TBC1D8: variants seen among roughly 807,000 people sequenced by gnomAD.
TBC1D8 encodes BUB2-like protein 1.
In TBC1D8, 65 loss-of-function variants were observed where a neutral mutation model predicts 118.8. The observed-to-expected ratio is 0.55, with a 90% confidence interval of 0.45 to 0.67. The LOEUF (loss-of-function observed/expected upper bound fraction) is 0.67, where lower values mean the gene tolerates loss of function less well. Ranked by LOEUF, TBC1D8 falls within the 30% of genes least tolerant of loss-of-function variation. The pLI, the probability that TBC1D8 is intolerant of heterozygous loss-of-function variation, is 0.00. For synonymous variants in TBC1D8, 566 were observed against 595.8 expected, an observed-to-expected ratio of 0.95 and a Z score of 0.73; for missense variants, 1,376 against 1,471.2, an observed-to-expected ratio of 0.94 and a Z score of 1.06.
At chr2:101,132,750 G>A (rs1298127946) in intron 1 of TBC1D8, among the ~76,000 whole-genome samples, 3 of 151,660 alleles carry the variant, frequency 2.0e-5, no homozygotes, top group African/African-American at 4.8e-5. Context: ...CACCATGCCC[G>A]GCTAACTTAT....
chr2:101,072,210 T>C (rs1674496593), intron 2 of TBC1D8, among the ~76,000 whole-genome samples: 2 of 152,170 alleles, frequency 1.3e-5, no homozygotes, highest in African/African-American at 4.8e-5. Context: ...GGCTGGGTAA[T>C]TTATAAAGGA....
At chr2:101,143,177 C>G (rs1275291171) in intron 1 of TBC1D8, among the ~76,000 whole-genome samples, 1 of 151,904 alleles carries the variant, frequency 6.6e-6, no homozygotes, top group Non-Finnish European at 1.5e-5. Flanking sequence ...GTTCCCCTGC[C>G]TCAGCCTCCC....
chr2:101,083,960 A>G (rs1456059218), intron 2 of TBC1D8, among the ~76,000 whole-genome samples: 1 of 152,198 alleles, frequency 6.6e-6, no homozygotes, highest in Non-Finnish European at 1.5e-5. Flanking sequence ...TACACTCAAC[A>G]ATTCTCTCTT....
intron 1 of TBC1D8, chr2:101,109,762 C>T: frequency 1.0e-6 from 1 of 983,838 alleles, no homozygotes; most frequent in South Asian, 4.7e-5. Flanking sequence ...AGCCCACGTT[C>T]TCTTCTACTG....
intron 1 of TBC1D8, among the ~76,000 whole-genome samples, chr2:101,144,086 C>T (rs986902141): frequency 6.6e-6 from 1 of 152,218 alleles, no homozygotes; most frequent in Non-Finnish European, 1.5e-5. Context: ...TCCTACATGA[C>T]ATCTACATGA....
At position 101,043,192 on chromosome 2, in the gene TBC1D8, A is replaced by G. The variant is rs1026943567; in HGVS notation, c.873-2807T>C. 5.3e-5 allele frequency among the ~76,000 whole-genome samples: 8 copies of G among 152,336 alleles called. No homozygotes were observed. In the East Asian group the frequency reaches 1.5e-3, roughly 29 times the overall value. On this transcript the variant is annotated intron_variant, in intron 5 of 19. Transcript: ENST00000409318. ...TTAAATGCCTGATACAACGTGGACT[A>G]CTGTTTCCACGGGCGCCTGAGCTGC...
chr2:101,103,592 C>T (rs959775244), intron 1 of TBC1D8, among the ~76,000 whole-genome samples: 1 of 152,036 alleles, frequency 6.6e-6, no homozygotes, highest in African/African-American at 2.4e-5. Flanking sequence ...CAGGGTTTCA[C>T]CGTGTTAGCC....
chr2:101,134,761 C>T (rs1383076329), intron 1 of TBC1D8, among the ~76,000 whole-genome samples: 1 of 152,194 alleles, frequency 6.6e-6, no homozygotes, highest in Non-Finnish European at 1.5e-5. Flanking sequence ...AGCTTCAACA[C>T]AGTAATTTAG....
At chr2:101,018,027 A>G (rs950884565) in intron 17 of TBC1D8, 16 of 1,212,508 alleles carry the variant, frequency 1.3e-5, no homozygotes, top group South Asian at 2.9e-5. Flanking sequence ...CTCATTCTAC[A>G]TATCAACCCC....
chr2:101,068,932 G>A (rs200396183), intron 2 of TBC1D8, among the ~76,000 whole-genome samples: 44 of 151,820 alleles, frequency 2.9e-4, no homozygotes, highest in African/African-American at 9.7e-4. Flanking sequence ...CCTGGGAGGC[G>A]GAGGCTGCAG....
At chr2:101,067,020 T>C (rs1440668618) in intron 2 of TBC1D8, among the ~76,000 whole-genome samples, 1 of 151,730 alleles carries the variant, frequency 6.6e-6, no homozygotes, top group Non-Finnish European at 1.5e-5. Flanking sequence ...GCGATTGCAT[T>C]ATTACGAATC....
In TBC1D8 at chr2:101,124,307, C is replaced by T. The variant is rs765601574; in HGVS notation, c.127+26820G>A. On this transcript the variant is annotated intron_variant, in intron 1 of 19. Coordinates refer to ENST00000409318, the MANE Select transcript of TBC1D8 (RefSeq NM_001330348.2). ...AAAGAATTGTCATGATTACATAGGG[C>T]ATCTAAGCAGTGGGTGACTAAGACA... Among the ~76,000 whole-genome samples, 40 of 152,212 alleles carry T rather than the reference C, an allele frequency of 2.6e-4. 1 individual carries two copies. The highest frequency in any genetic ancestry group is 2.9e-5 in the Non-Finnish European group (2 of 68,046).
chr2:101,119,987 C>G (rs1391191543), intron 1 of TBC1D8, among the ~76,000 whole-genome samples: 2 of 152,164 alleles, frequency 1.3e-5, no homozygotes, highest in Non-Finnish European at 2.9e-5. Flanking sequence ...ACAGAACAGG[C>G]AAAATAACCC....
intron 9 of TBC1D8, 109 bp from the exon 10 acceptor site, chr2:101,033,867 G>T: frequency 2.3e-6 from 3 of 1,282,388 alleles, no homozygotes; most frequent in Non-Finnish European, 3.2e-6. Flanking sequence ...GTTACTTACT[G>T]AGGGACAAAA....
At chr2:101,110,079 A>C in intron 1 of TBC1D8, 1 of 942,086 alleles carries the variant, frequency 1.1e-6, no homozygotes, top group Non-Finnish European at 1.3e-6. Flanking sequence ...TGGCTGAGAT[A>C]GATGTCAAGT....
In TBC1D8 at chr2:101,095,401, C is replaced by T. The variant is rs564881243; in HGVS notation, c.128-5037G>A. Among the ~76,000 whole-genome samples the T allele has an allele frequency of 5.9e-5, 8 of 135,168 alleles. 1 individual carries two copies. The highest frequency in any genetic ancestry group is 9.6e-5 in the Non-Finnish European group (6 of 62,528). 88.7% of individuals were successfully genotyped at this position (135,168 alleles called of 152,430 possible). On this transcript the variant is annotated intron_variant, in intron 1 of 19. Coordinates refer to ENST00000409318, the MANE Select transcript of TBC1D8 (RefSeq NM_001330348.2). ...TATCTCCTAATGCTATCTCCCCCCCCCTCCCCCCACCCCACAACAGTCCCC... is the reference window on the plus strand; with the variant it reads ...TATCTCCTAATGCTATCTCCCCCCCTCTCCCCCCACCCCACAACAGTCCCC...
intron 15 of TBC1D8, among the ~76,000 whole-genome samples, chr2:101,027,075 T>G (rs1680379870): frequency 6.6e-6 from 1 of 152,126 alleles, no homozygotes; most frequent in Non-Finnish European, 1.5e-5. Context: ...AGAGCAGCGG[T>G]GAGCAGAGTA....
At chr2:101,019,027 A>G in intron 17 of TBC1D8, 1 of 1,612,110 alleles carries the variant, frequency 6.2e-7, no homozygotes, top group South Asian at 1.1e-5. Context: ...TACAGTCGCC[A>G]AGAGCCCATA....
chr2:101,051,285 G>A (rs899632381), intron 4 of TBC1D8, among the ~76,000 whole-genome samples: 4 of 152,120 alleles, frequency 2.6e-5, no homozygotes, highest in Admixed American at 6.6e-5. Flanking sequence ...TAATGGTATC[G>A]CTGAATTGAA....
Sources: gnomAD v4.1 joint callset for allele counts (sites outside exome capture counted in the v4.1 genomes callset) on GRCh38, gnomAD v4.1.1 for gene constraint, MANE v1.5 for transcripts, NCBI Gene and HGNC (gene_info 2026-07-23, HGNC 2026-07-21) for gene names.